Variants in GSAP observed in about 807,000 individuals in gnomAD.
The protein encoded by GSAP is gamma-secretase-activating protein.
A neutral mutation model predicts 131.7 loss-of-function variants in GSAP; 118 were observed. That is an observed-to-expected ratio of 0.90 (90% CI 0.77 to 1.04). The LOEUF is 1.04. Ranked by LOEUF, GSAP falls within the 50% of genes least tolerant of loss-of-function variation. The pLI is 0.00. For missense variants in GSAP, 1,019 were observed against 1,013.2 expected, an observed-to-expected ratio of 1.01 and a Z score of -0.08; for synonymous variants, 381 against 363.4, an observed-to-expected ratio of 1.05 and a Z score of -0.55.
intron 1 of GSAP, among the ~76,000 whole-genome samples, chr7:77,412,315 TATTA>T (rs779250297): frequency 6.6e-6 from 1 of 152,192 alleles, no homozygotes; most frequent in Non-Finnish European, 1.5e-5. Flanking sequence ...AACAATTAGC[TATTA>T]ATTTTTTTAA....
intron 14 of GSAP, among the ~76,000 whole-genome samples, 168 bp from the exon 15 acceptor site, chr7:77,355,815 G>A (rs919863945): frequency 1.4e-5 from 1 of 73,016 alleles, no homozygotes; most frequent in Admixed American, 1.2e-4. Flanking sequence ...TTAAGACAGG[G>A]TCTGACTCTG....
At chr7:77,414,875 T>TTTTTTTTTA (rs1804025031) in intron 1 of GSAP, among the ~76,000 whole-genome samples, 1 of 88,364 alleles carries the variant, frequency 1.1e-5, no homozygotes, top group Admixed American at 1.3e-4. Flanking sequence ...TTTTTTTTTT[T>TTTTTTTTTA]GAGACGGAGA....
intron 5 of GSAP, 28 bp from the exon 6 acceptor site, chr7:77,387,476 C>T (rs760256481): frequency 1.4e-5 from 17 of 1,212,236 alleles, no homozygotes; most frequent in East Asian, 4.7e-5. Context: ...CTTTTAGTAA[C>T]GAAGATTGTA....
intron 24 of GSAP, 98 bp from the exon 25 acceptor site, chr7:77,321,501 C>G (rs1221305743): frequency 1.3e-6 from 1 of 778,298 alleles, no homozygotes; most frequent in Non-Finnish European, 2.3e-6. Context: ...TTCAGGGCAG[C>G]TGGCATTCAG....
intron 14 of GSAP, among the ~76,000 whole-genome samples, chr7:77,358,952 C>T (rs1216271272): frequency 2.0e-5 from 3 of 152,038 alleles, no homozygotes; most frequent in Non-Finnish European, 4.4e-5. Flanking sequence ...TTTGGAAGGC[C>T]GAGGCAGGTG....
chr7:77,411,206 G>C (rs1301880094), intron 1 of GSAP, among the ~76,000 whole-genome samples: 2 of 150,908 alleles, frequency 1.3e-5, no homozygotes, highest in East Asian at 1.9e-4. Flanking sequence ...TATTATTCTT[G>C]AATCAGTCAC....
Position 77,338,586 on chromosome 7 carries a change from T to C in GSAP, c.1546-8219A>G, listed in dbSNP as rs1260076012. ...TCAGGGTGTGGTCAGATATGGTGTC[T>C]GATGAGGGCCCACTTCCTAGACTGC... On this transcript the variant is annotated intron_variant, in intron 19 of 30. Transcript: ENST00000257626. 3.9e-5 allele frequency among the ~76,000 whole-genome samples: 6 copies of C among 152,190 alleles called. No homozygotes were observed. In the East Asian group the frequency reaches 1.2e-3, roughly 29 times the overall value.
chr7:77,375,104 G>A lies in GSAP; in HGVS notation c.742-3C>T. The A allele has an allele frequency of 6.4e-7, 1 of 1,552,834 alleles. No individual in the cohort carries two copies. Among genetic ancestry groups the A allele is most frequent in the Non-Finnish European group, 8.8e-7 (1 of 1,132,016 alleles). ...GATATGTCCAAGGGTACTTCAAACTGTCAAAAAAATCAAAGAAAATGAACC... is the reference window on the plus strand; with the variant it reads ...GATATGTCCAAGGGTACTTCAAACTATCAAAAAAATCAAAGAAAATGAACC... On this transcript the variant is annotated splice_polypyrimidine_tract_variant and splice_region_variant and intron_variant, in intron 10 of 30. Transcript: ENST00000257626.
chr7:77,390,239 G>C (rs928765313), intron 5 of GSAP, among the ~76,000 whole-genome samples: 1 of 152,114 alleles, frequency 6.6e-6, no homozygotes, highest in Non-Finnish European at 1.5e-5. Context: ...TAGGTTGCCT[G>C]TTCACTCTGA....
chr7:77,314,448 G>A lies in GSAP; in HGVS notation c.2131C>T (p.Pro711Ser). The A allele has an allele frequency of 1.9e-6, 3 of 1,613,734 alleles. No homozygotes were observed. The highest frequency in any genetic ancestry group is 2.5e-6 in the Non-Finnish European group (3 of 1,179,704). The change falls in exon 27 of 31, where the codon CCT becomes TCT. Residue 711 changes from proline to serine, a missense_variant. Coordinates refer to ENST00000257626, the MANE Select transcript of GSAP (RefSeq NM_017439.4). Reference sequence around the variant, plus strand: ...ATGCAATGCAGCAGGTTATGCAAAGGGAGACACTGGACCCCGAGGATGGTG... The same window carrying A: ...ATGCAATGCAGCAGGTTATGCAAAGAGAGACACTGGACCCCGAGGATGGTG... ...LHTILGVQCLPLHNLLHCIDS... is the reference protein window; with the variant it reads ...LHTILGVQCLSLHNLLHCIDS...
At chr7:77,358,040 G>A (rs1262231410) in intron 14 of GSAP, among the ~76,000 whole-genome samples, 1 of 152,104 alleles carries the variant, frequency 6.6e-6, no homozygotes, top group Non-Finnish European at 1.5e-5. Flanking sequence ...ACAAAATAAG[G>A]TAGGGTATTA....
chr7:77,414,844 C>CTTTTTTTTT lies in GSAP; in HGVS notation c.109+1360_109+1368dup, dbSNP rs57095326. Among the ~76,000 whole-genome samples, 586 of 59,852 alleles carry CTTTTTTTTT rather than the reference C, an allele frequency of 9.8e-3. 104 individuals are homozygous for CTTTTTTTTT. Among genetic ancestry groups the CTTTTTTTTT allele is most frequent in the East Asian group, 0.031 (45 of 1,450 alleles). 39.3% of individuals were successfully genotyped at this position (59,852 alleles called of 152,430 possible). ...AAAAACTTTTCAGACATGTGGGCGA[C>CTTTTTTTTT]TTTTTTTTTTTTTTTTTTTTTTTTT... On this transcript the variant is annotated intron_variant, in intron 1 of 30. Coordinates refer to ENST00000257626, the MANE Select transcript of GSAP (RefSeq NM_017439.4).
At chr7:77,380,160 G>T (rs973638801) in intron 8 of GSAP, 5 of 152,804 alleles carry the variant, frequency 3.3e-5, no homozygotes, top group African/African-American at 1.2e-4. Flanking sequence ...AGAAGATGCT[G>T]AAATGCATTA....
intron 8 of GSAP, among the ~76,000 whole-genome samples, chr7:77,378,758 T>C (rs1029825829): frequency 2.0e-5 from 3 of 152,182 alleles, no homozygotes; most frequent in Non-Finnish European, 4.4e-5. Flanking sequence ...GCCCTTTCAG[T>C]GCATCAGCTG....
intron 19 of GSAP, among the ~76,000 whole-genome samples, chr7:77,344,904 A>T (rs923451264): frequency 6.6e-6 from 1 of 152,168 alleles, no homozygotes; most frequent in Admixed American, 6.5e-5. Flanking sequence ...TTCCTCCAAA[A>T]TCGCTGAGGC....
At chr7:77,345,934 A>G (rs1023645412) in intron 19 of GSAP, among the ~76,000 whole-genome samples, 1 of 152,176 alleles carries the variant, frequency 6.6e-6, no homozygotes, top group East Asian at 1.9e-4. Flanking sequence ...TGCTATAAAA[A>G]TCGTCATAGC....
intron 12 of GSAP, among the ~76,000 whole-genome samples, chr7:77,367,097 T>C (rs1369480952): frequency 1.3e-5 from 2 of 152,220 alleles, no homozygotes; most frequent in African/African-American, 4.8e-5. Flanking sequence ...TTTGCTGAAG[T>C]TGTTTATCAG....
Position 77,314,354 on chromosome 7 carries a change from A to C in GSAP, c.2209+16T>G. 5.6e-6 allele frequency: 9 copies of C among 1,613,028 alleles called. No homozygotes were observed. The highest frequency in any genetic ancestry group is 7.6e-6 in the Non-Finnish European group (9 of 1,179,542). ...CAGGCTGGAACTAGCACTCTGGCAAACTCAGGGCTTCTTACCTTTCATGAG... is the reference window on the plus strand; with the variant it reads ...CAGGCTGGAACTAGCACTCTGGCAACCTCAGGGCTTCTTACCTTTCATGAG... On this transcript the variant is annotated intron_variant, in intron 27 of 30. Transcript: ENST00000257626.
Position 77,399,123 on chromosome 7 carries a change from A to G in GSAP, c.244-1708T>C, listed in dbSNP as rs1045106972. ...CATAAACCTGTGTGAATTTGTGCAG[A>G]TATTTCTGTAGAATCAAAACCTCAA... On this transcript the variant is annotated intron_variant, in intron 3 of 30. Transcript: ENST00000257626. Among the ~76,000 whole-genome samples the G allele has an allele frequency of 7.9e-5, 12 of 152,220 alleles. 1 individual carries two copies. The highest frequency in any genetic ancestry group is 2.9e-4 in the African/African-American group (12 of 41,456).
Sources: gnomAD v4.1 joint callset for allele counts (sites outside exome capture counted in the v4.1 genomes callset) on GRCh38, gnomAD v4.1.1 for gene constraint, MANE v1.5 for transcripts, NCBI Gene and HGNC (gene_info 2026-07-23, HGNC 2026-07-21) for gene names.